The following MAP3K12 variants were observed in gnomAD, a reference collection of about 807,000 sequenced individuals.
The protein encoded by MAP3K12 is mitogen-activated protein kinase kinase kinase 12, also known as MAPK-upstream kinase.
MAP3K12 carries 14 observed loss-of-function variants against 87.5 expected under a neutral mutation model. That is an observed-to-expected ratio of 0.16 (90% CI 0.11 to 0.25). The LOEUF is 0.25. Among genes scored for constraint, MAP3K12 ranks in the 10% least tolerant of loss-of-function variants. The pLI is 1.00. For missense variants in MAP3K12, 802 were observed against 1,140.4 expected, an observed-to-expected ratio of 0.70 and a Z score of 4.27; for synonymous variants, 469 against 452.5, an observed-to-expected ratio of 1.04 and a Z score of -0.46.
At chr12:53,490,725 AAC>A (rs370730641) in intron 1 of MAP3K12, among the ~76,000 whole-genome samples, 1,592 of 151,062 alleles carry the variant, frequency 0.011, 18 homozygotes, top group African/African-American at 0.037. Flanking sequence ...CAGCCTGGGC[AAC>A]AGAGTGAGAC....
chr12:53,486,603 A>G lies in MAP3K12; in HGVS notation c.465T>C (p.Phe155=). ...QQQEDLWEVP[F]EEILDLQWVG... ...CCCACTGCAGGTCCAGGATTTCCTC[A>G]AAGGGGACCTCCCAAAGGTCTGTGG... Residue 155 remains phenylalanine, a synonymous_variant, in exon 3 of 14, where the codon TTT becomes TTC. Transcript: ENST00000547488. This position sits in a 1 kb window ranked among gnomAD's most constrained non-coding sequence, Gnocchi z 4.9. 6.2e-7 allele frequency: 1 copy of G among 1,605,864 alleles called. No individual in the cohort carries two copies. Among genetic ancestry groups the G allele is most frequent in the Non-Finnish European group, 8.5e-7 (1 of 1,176,034 alleles).
At chr12:53,491,583 G>T (rs908996930) in intron 1 of MAP3K12, among the ~76,000 whole-genome samples, 42 of 151,070 alleles carry the variant, frequency 2.8e-4, no homozygotes, top group African/African-American at 1.0e-3. Flanking sequence ...ACAGGCGCCC[G>T]CCACGACGCC....
At chr12:53,481,901 T>A (rs745620598) in intron 13 of MAP3K12, 40 bp downstream of exon 13, 1 of 1,595,172 alleles carries the variant, frequency 6.3e-7, no homozygotes, top group Non-Finnish European at 8.6e-7. Context: ...CTTACAGCTC[T>A]CCCTGTTCAA....
At position 53,486,541 on chromosome 12, in the gene MAP3K12, C is replaced by T. The variant is rs1234686274; in HGVS notation, c.527G>A (p.Arg176His). The change falls in exon 3 of 14, where the codon CGC (arginine) becomes CAC (histidine). Residue 176 changes from arginine (R) to histidine (H), a missense_variant. Coordinates refer to ENST00000547488, the MANE Select transcript of MAP3K12 (RefSeq NM_001193511.2). The surrounding 1 kb of genome is among the most constrained non-coding windows in gnomAD (Gnocchi z 4.9). The part of the protein sequence containing the change: ...SGAQGAVFLG[R>H]FHGEEVAVKK... ...CACAGCCACCTCCTCCCCGTGGAAG[C>T]GCCCCAGGAAGACAGCACCCTGGGC... 3 of 1,614,154 alleles carry T rather than the reference C, an allele frequency of 1.9e-6. No homozygotes were observed. Among genetic ancestry groups the T allele is most frequent in the East Asian group, 2.2e-5 (1 of 44,876 alleles).
Position 53,487,326 on chromosome 12 carries a change from A to G in MAP3K12, c.66T>C (p.Ser22=). Reference sequence around the variant, plus strand: ...GGTCCAGCTTGCGCATGGATGCCTCACTTAGGGTAGACACAAAGCCCCCAA... The same window carrying G: ...GGTCCAGCTTGCGCATGGATGCCTCGCTTAGGGTAGACACAAAGCCCCCAA... ...PSFGGFVSTL[S]EASMRKLDPD... Residue 22 remains serine, a synonymous_variant, in exon 2 of 14, where the codon AGT becomes AGC. Coordinates refer to ENST00000547488, the MANE Select transcript of MAP3K12 (RefSeq NM_001193511.2). The G allele has an allele frequency of 6.2e-7, 1 of 1,613,994 alleles. No homozygotes were observed. The highest frequency in any genetic ancestry group is 8.5e-7 in the Non-Finnish European group (1 of 1,179,986).
At chr12:53,491,214 G>A (rs1306754090) in intron 1 of MAP3K12, among the ~76,000 whole-genome samples, 1 of 136,976 alleles carries the variant, frequency 7.3e-6, no homozygotes, top group Non-Finnish European at 1.5e-5. Context: ...CTTGAACCCG[G>A]GAGGCGGAAG....
chr12:53,496,453 C>A (rs147418542), intron 1 of MAP3K12, among the ~76,000 whole-genome samples: 2 of 152,308 alleles, frequency 1.3e-5, no homozygotes, highest in African/African-American at 2.4e-5. Flanking sequence ...CCCTGGATCA[C>A]CCCTCAGCCT....
chr12:53,501,131 G>T, upstream of MAP3K12: 1 of 537,878 alleles, frequency 1.9e-6, no homozygotes, highest in Non-Finnish European at 3.3e-6. Context: ...AAAAAATACG[G>T]CCTTCTCGAG....
In MAP3K12 at chr12:53,483,022, C is replaced by A; in HGVS notation, c.1781G>T (p.Gly594Val). 1.3e-6 allele frequency: 2 copies of A among 1,557,678 alleles called. No homozygotes were observed. Among genetic ancestry groups the A allele is most frequent in the Non-Finnish European group, 1.7e-6 (2 of 1,152,682 alleles). The change falls in exon 11 of 14, where the codon GGG becomes GTG. Residue 594 changes from glycine to valine, a missense_variant. Around this residue, in one of 5 missense-constraint regions of MAP3K12, gnomAD observed 490 missense variants for 496.6 expected, o/e 0.99. Coordinates refer to ENST00000547488, the MANE Select transcript of MAP3K12 (RefSeq NM_001193511.2). ...SAKGSCGDLP[G>V]LRTAVPPHEP... Reference sequence around the variant, plus strand: ...ATGGGGTGGCACAGCTGTACGAAGCCCAGGCAGGTCCCCACAGCTCCCCTT... The same window carrying A: ...ATGGGGTGGCACAGCTGTACGAAGCACAGGCAGGTCCCCACAGCTCCCCTT...
At chr12:53,483,757 T>A in intron 8 of MAP3K12, 34 bp from the exon 9 acceptor site, 1 of 1,613,146 alleles carries the variant, frequency 6.2e-7, no homozygotes, top group East Asian at 2.2e-5. Flanking sequence ...CAAGGTGAAC[T>A]GGGTTCACCT....
chr12:53,482,959 C>T lies in MAP3K12; in HGVS notation c.1844G>A (p.Gly615Glu). ...GGPGSPGGLG[G>E]GPSAWEACPP... is the part of the protein sequence containing the mutation. ...GCAGGCCTCCCAGGCTGAGGGTCCC[C>T]CTCCTAGGCCCCCTGGGCTTCCTGG... Residue 615 changes from glycine (G) to glutamate (E), a missense_variant, in exon 11 of 14, where the codon GGG becomes GAG. This residue lies in a region of MAP3K12 where 490 missense variants were observed against 496.6 expected (regional missense o/e 0.99). Transcript: ENST00000547488. The T allele has an allele frequency of 6.3e-7, 1 of 1,595,500 alleles. No homozygotes were observed. Among genetic ancestry groups the T allele is most frequent in the South Asian group, 1.1e-5 (1 of 89,656 alleles).
chr12:53,500,352 C>G (rs554401830), upstream of MAP3K12: 7 of 152,252 alleles, frequency 4.6e-5, no homozygotes, highest in Non-Finnish European at 7.3e-5. Flanking sequence ...CACTTTTGCT[C>G]TCTTCAGCTG....
At chr12:53,493,795 C>G (rs1411263392) in intron 1 of MAP3K12, 2 of 152,184 alleles carry the variant, frequency 1.3e-5, no homozygotes, top group South Asian at 2.1e-4. Flanking sequence ...ACACTTGCAG[C>G]CAGCCGAGCC....
Position 53,485,311 on chromosome 12 carries a change from T to C in MAP3K12, c.980+6A>G. 1.9e-6 allele frequency: 3 copies of C among 1,612,906 alleles called. No homozygotes were observed. Among genetic ancestry groups the C allele is most frequent in the Non-Finnish European group, 2.5e-6 (3 of 1,179,232 alleles). On this transcript the variant is annotated splice_donor_region_variant and intron_variant, in intron 5 of 13. Transcript: ENST00000547488. ...CACTCTTCTCAGTTTTCAGCCTAGT[T>C]CTCACCAGATGTCGACCTTCTCAGA...
intron 12 of MAP3K12, 33 bp downstream of exon 12, chr12:53,482,266 A>T (rs746500109): frequency 5.0e-6 from 8 of 1,614,172 alleles, no homozygotes; most frequent in Middle Eastern, 1.6e-4. Context: ...AGAAAACAAG[A>T]ATGCCATTAA....
rs1943535533 is a variant in MAP3K12, at chr12:53,495,695, T to A, written c.-38+3732A>T. ...GTGAACCACTGTGCCCTGCAGCTTGTTTTTATTTTCCATTTTTCAGGATCC... is the reference window on the plus strand; with the variant it reads ...GTGAACCACTGTGCCCTGCAGCTTGATTTTATTTTCCATTTTTCAGGATCC... On this transcript the variant is annotated intron_variant, in intron 1 of 13. Coordinates refer to ENST00000547488, the MANE Select transcript of MAP3K12 (RefSeq NM_001193511.2). Among the ~76,000 whole-genome samples, 4 of 152,006 alleles carry A rather than the reference T, an allele frequency of 2.6e-5. 1 individual carries two copies. The highest frequency in any genetic ancestry group is 2.6e-4 in the Admixed American group (4 of 15,270).
rs1942937355 is a variant in MAP3K12, at chr12:53,479,761, A to C, written c.*1421T>G. On this transcript the variant is annotated 3_prime_UTR_variant, in exon 14 of 14. Transcript: ENST00000547488. ...CATTTCAGTTTAGTTCTGTAATGTC[A>C]GGAATTTTTCAAAAAAATTAAAAGA... is the stretch of plus-strand genomic sequence containing the variant. The C allele has an allele frequency of 5.2e-6, 1 of 193,362 alleles. No homozygotes were observed. Among genetic ancestry groups the C allele is most frequent in the African/African-American group, 2.5e-5 (1 of 39,730 alleles). The allele number at this position is 193,362 out of a possible 1,614,324, so 12.0% of individuals were successfully genotyped here.
upstream of MAP3K12, chr12:53,501,344 T>G (rs1338918065): frequency 6.5e-7 from 1 of 1,539,988 alleles, no homozygotes; most frequent in African/African-American, 1.4e-5. Context: ...CCCTAGCTCG[T>G]CGGCTGTGTA....
chr12:53,494,220 T>C (rs1379606641), intron 1 of MAP3K12, among the ~76,000 whole-genome samples: 1 of 152,162 alleles, frequency 6.6e-6, no homozygotes, highest in Non-Finnish European at 1.5e-5. Flanking sequence ...CTCTCCGTTA[T>C]CAATTATGCA....
Sources: gnomAD v4.1 joint callset for allele counts (sites outside exome capture counted in the v4.1 genomes callset) on GRCh38, gnomAD v4.1.1 for gene constraint, gnomAD v4.1.1 regional missense constraint, Gnocchi (gnomAD v3.1) non-coding constraint, MANE v1.5 for transcripts, NCBI Gene and HGNC (gene_info 2026-07-23, HGNC 2026-07-21) for gene names.